The following MAP2 variants were observed in gnomAD, a reference collection of about 807,000 sequenced individuals.
MAP2 encodes the protein microtubule associated protein 2, also known as microtubule-associated protein 2.
A neutral mutation model predicts 137.6 loss-of-function variants in MAP2; 14 were observed. The observed-to-expected ratio is 0.10, with a 90% CI of 0.07 to 0.16. The LOEUF (loss-of-function observed/expected upper bound fraction) is 0.16, where lower values mean the gene tolerates loss of function less well. MAP2 is among the 10% of genes least tolerant of loss of function. MAP2 has a pLI of 1.00. For missense variants in MAP2, 2,088 were observed against 2,191.5 expected (o/e 0.95, Z 0.94); for synonymous variants, 786 against 782.3 (o/e 1.00, Z -0.08).
intron 2 of MAP2, among the ~76,000 whole-genome samples, chr2:209,523,898 C>G (rs981380550): frequency 5.3e-5 from 8 of 152,080 alleles, no homozygotes; most frequent in Admixed American, 3.9e-4. Context: ...AGGATGTTAG[C>G]AGAAATGAAA....
chr2:209,462,012 A>ATAG (rs1702942086), intron 1 of MAP2, among the ~76,000 whole-genome samples: 1 of 152,126 alleles, frequency 6.6e-6, no homozygotes, highest in Admixed American at 6.5e-5. Context: ...AAGGGGCCCA[A>ATAG]TAGTACCTCA....
intron 2 of MAP2, among the ~76,000 whole-genome samples, chr2:209,563,128 A>G (rs992628198): frequency 6.6e-6 from 1 of 152,336 alleles, no homozygotes; most frequent in South Asian, 2.1e-4. Flanking sequence ...AGTTTTGATT[A>G]TATACAGAAT....
chr2:209,720,638 C>CT (rs2070200227), intron 13 of MAP2, among the ~76,000 whole-genome samples: 1 of 72,806 alleles, frequency 1.4e-5, no homozygotes, highest in African/African-American at 4.8e-5. Context: ...TACTTGGTCT[C>CT]AAAAAAAAAA....
intron 2 of MAP2, among the ~76,000 whole-genome samples, chr2:209,541,204 T>C: frequency 6.6e-6 from 1 of 151,052 alleles, no homozygotes; most frequent in Non-Finnish European, 1.5e-5. Flanking sequence ...CTAATTTTTG[T>C]ATTTTTGTAG....
chr2:209,557,171 A>T (rs2070879486), intron 2 of MAP2, among the ~76,000 whole-genome samples: 1 of 152,232 alleles, frequency 6.6e-6, no homozygotes, highest in Non-Finnish European at 1.5e-5. Context: ...TGAATAAAAT[A>T]CTATTCAGGT....
rs2060001578 is a variant in MAP2 at position 209,695,705 on chromosome 2, G to C, written c.3535G>C (p.Val1179Leu). Residue 1179 changes from valine to leucine, a missense_variant, in exon 8 of 16, where the codon GTT becomes CTT. Val to Leu is a conservative substitution (Grantham distance 32). This residue lies in a region of MAP2 where 591 missense variants were observed against 642.6 expected (regional missense o/e 0.92). Coordinates refer to ENST00000682079, the MANE Select transcript of MAP2 (RefSeq NM_001375505.1). Reference protein sequence around the residue: ...LSVEIPCPPAVSEADLATDER... With the variant: ...LSVEIPCPPALSEADLATDER... ...AGTGGAAATACCTTGCCCACCTGCT[G>C]TTTCAGAGGCTGATTTAGCCACAGA... 1 of 1,613,968 alleles carries C rather than the reference G, an allele frequency of 6.2e-7. No individual in the cohort carries two copies. The highest frequency in any genetic ancestry group is 1.3e-5 in the African/African-American group (1 of 74,910).
At chr2:209,492,306 A>G (rs2059211257) in intron 1 of MAP2, among the ~76,000 whole-genome samples, 1 of 152,214 alleles carries the variant, frequency 6.6e-6, no homozygotes, top group African/African-American at 2.4e-5. Context: ...AATAAGAGCT[A>G]TTTATGGCAA....
intron 1 of MAP2, among the ~76,000 whole-genome samples, chr2:209,495,595 C>T (rs374228220): frequency 3.3e-5 from 5 of 152,298 alleles, no homozygotes; most frequent in Non-Finnish European, 5.9e-5. Context: ...AGAAGAGGGA[C>T]CTGACTGTCA....
Position 209,730,468 on chromosome 2 carries a change from T to C in MAP2, c.*71T>C. 9.8e-7 allele frequency: 1 copy of C among 1,018,756 alleles called. No individual in the cohort carries two copies. Among genetic ancestry groups the C allele is most frequent in the Non-Finnish European group, 1.5e-6 (1 of 666,528 alleles). 63.1% of individuals were successfully genotyped at this position (1,018,756 alleles called of 1,614,324 possible). A position where few individuals can be genotyped will look rare whatever the true frequency, so the allele number is the denominator to read the frequency against. On this transcript the variant is annotated 3_prime_UTR_variant, in exon 16 of 16. Coordinates refer to ENST00000682079, the MANE Select transcript of MAP2 (RefSeq NM_001375505.1). ...CTTGGCAGGAGTGGGCTCTGAGCAG[T>C]TGTTATATTCATTCTTTATAAACCA...
intron 7 of MAP2, chr2:209,690,741 A>G: frequency 7.8e-7 from 1 of 1,289,818 alleles, no homozygotes; most frequent in Non-Finnish European, 1.0e-6. Context: ...GCGGAGGCCC[A>G]AATAGTTCCC....
chr2:209,459,374 CATT>C (rs1248483926), intron 1 of MAP2, among the ~76,000 whole-genome samples: 8 of 152,156 alleles, frequency 5.3e-5, no homozygotes, highest in Non-Finnish European at 7.3e-5. Flanking sequence ...CTGTCATCAT[CATT>C]ATTATTATTT....
intron 3 of MAP2, among the ~76,000 whole-genome samples, chr2:209,603,033 A>G (rs1221252197): frequency 1.3e-5 from 2 of 152,206 alleles, no homozygotes; most frequent in East Asian, 3.9e-4. Flanking sequence ...ATTAACCACA[A>G]ATATCAAAAA....
intron 2 of MAP2, among the ~76,000 whole-genome samples, chr2:209,547,862 C>T (rs958494944): frequency 6.6e-6 from 1 of 152,066 alleles, no homozygotes; most frequent in Non-Finnish European, 1.5e-5. Flanking sequence ...CATGAATGTG[C>T]TTGAAGGCTG....
chr2:209,628,229 G>A (rs1423237862), intron 4 of MAP2, among the ~76,000 whole-genome samples: 1 of 152,128 alleles, frequency 6.6e-6, no homozygotes, highest in Non-Finnish European at 1.5e-5. Flanking sequence ...GCCGGGCATG[G>A]TGGCACGTGC....
intron 2 of MAP2, among the ~76,000 whole-genome samples, chr2:209,570,752 T>A (rs288079): frequency 0.33 from 49,934 of 151,734 alleles, 14,395 homozygotes; most frequent in African/African-American, 0.78. Context: ...TAAATGAACC[T>A]AAAAGGAAAT....
chr2:209,469,603 C>G (rs1705146116), intron 1 of MAP2, among the ~76,000 whole-genome samples: 1 of 151,992 alleles, frequency 6.6e-6, no homozygotes, highest in Non-Finnish European at 1.5e-5. Context: ...TCCTTTCTTA[C>G]TCTCCCTCTG....
intron 1 of MAP2, among the ~76,000 whole-genome samples, chr2:209,470,217 G>A (rs1034286575): frequency 6.6e-6 from 1 of 152,154 alleles, no homozygotes; most frequent in Non-Finnish European, 1.5e-5. Flanking sequence ...TTTGGGCAAG[G>A]CAAATGCTAT....
In MAP2 at chr2:209,718,477, CATA is replaced by C. The variant is rs556988435; in HGVS notation, c.5074-7229_5074-7227del. ...CATGAATCAAAATGACTGTTGTACT[CATA>C]ATGTTTCTTCCAGCGCCCACTGAGA... is the stretch of plus-strand genomic sequence containing the variant. On this transcript the variant is annotated intron_variant, in intron 13 of 15. Transcript: ENST00000682079. Among the ~76,000 whole-genome samples the C allele has an allele frequency of 1.4e-3, 207 of 152,190 alleles. 1 individual carries two copies. The highest frequency in any genetic ancestry group is 4.7e-3 in the African/African-American group (196 of 41,544).
chr2:209,484,329 AGGCGCAGT>A (rs2058096013), intron 1 of MAP2, among the ~76,000 whole-genome samples: 3 of 151,470 alleles, frequency 2.0e-5, no homozygotes, highest in Non-Finnish European at 4.4e-5. Flanking sequence ...TTTGATGGCG[AGGCGCAGT>A]GGCTCACGCC....
Sources: allele counts gnomAD v4.1 joint callset (sites outside exome capture counted in the v4.1 genomes callset), GRCh38; gene constraint gnomAD v4.1.1; regional missense constraint gnomAD v4.1.1; transcripts MANE v1.5; gene names NCBI Gene and HGNC (gene_info 2026-07-23, HGNC 2026-07-21).